PARD6G: variants seen among roughly 807,000 people sequenced by gnomAD.
PARD6G encodes par-6 family cell polarity regulator gamma.
Under a neutral mutation model 10.7 loss-of-function variants are expected in PARD6G, and 7 were observed. The ratio of observed to expected loss-of-function variants is 0.66; its 90% CI spans 0.37 to 1.23. The LOEUF is 1.23. Among genes scored for constraint, PARD6G ranks in the 50% most tolerant of loss-of-function variants. The pLI is 0.02. For synonymous variants in PARD6G, 287 were observed against 269.4 expected (o/e 1.07, Z -0.64); for missense variants, 548 against 571.8 (o/e 0.96, Z 0.42).
chr18:80,220,010 A>C (rs1967212113), intron 1 of PARD6G, among the ~76,000 whole-genome samples: 1 of 152,164 alleles, frequency 6.6e-6, no homozygotes, highest in Non-Finnish European at 1.5e-5. Flanking sequence ...TTACTGTATT[A>C]GTCTGTTCTC....
chr18:80,209,381 T>G (rs533201316), intron 1 of PARD6G, among the ~76,000 whole-genome samples: 1 of 152,348 alleles, frequency 6.6e-6, no homozygotes, highest in South Asian at 2.1e-4. Flanking sequence ...TAGATAATGA[T>G]TATTCTATTT....
Position 80,159,574 on chromosome 18 carries a change from G to A in PARD6G, c.*197C>T, listed in dbSNP as rs2052680440. 1.3e-5 allele frequency: 11 copies of A among 848,456 alleles called. No individual in the cohort carries two copies. Among genetic ancestry groups the A allele is most frequent in the Non-Finnish European group, 1.4e-5 (9 of 625,134 alleles). 52.6% of individuals were successfully genotyped at this position (848,456 alleles called of 1,614,324 possible). On this transcript the variant is annotated 3_prime_UTR_variant, in exon 3 of 3. Coordinates refer to ENST00000353265, the MANE Select transcript of PARD6G (RefSeq NM_032510.4). ...AGGCCTGGTATAGAGTGTCTCTACA[G>A]GCGTTCATTTTAAGTTCTGTGGCGA... is the stretch of plus-strand genomic sequence containing the variant.
At position 80,159,797 on chromosome 18, in the gene PARD6G, C is replaced by A; in HGVS notation, c.1105G>T (p.Glu369Ter). Residue 369 changes from glutamate to a stop codon, truncating the protein, a stop_gained, in exon 3 of 3, where the codon GAG (glutamate) becomes TAG (stop). Transcript: ENST00000353265. LOFTEE classifies it high-confidence loss of function. ...TAGAGCGTGACCGCGGGCCCGTGCT[C>A]CTCCACGCCGCCTGGCGGCAGCGCC... is the stretch of plus-strand genomic sequence containing the variant. ...SLALPPGGVEEHGPAVTL is the reference protein window; with the variant it reads ...SLALPPGGVE 1 of 1,452,966 alleles carries A rather than the reference C, an allele frequency of 6.9e-7. No homozygotes were observed. Among genetic ancestry groups the A allele is most frequent in the Non-Finnish European group, 9.0e-7 (1 of 1,109,046 alleles). 90.0% of individuals were successfully genotyped at this position (1,452,966 alleles called of 1,614,324 possible).
At position 80,192,726 on chromosome 18, in the gene PARD6G, G is replaced by A. The variant is rs897855633; in HGVS notation, c.295+9984C>T. On this transcript the variant is annotated intron_variant, in intron 2 of 2. Transcript: ENST00000353265. This position sits in a 1 kb window ranked among gnomAD's most constrained non-coding sequence, Gnocchi z 4.9. ...TAAGAGTGAAAGAAAAGCACACCTG[G>A]CCTGGAGATGAGGGTCAACCAGTCC... 5.9e-5 allele frequency among the ~76,000 whole-genome samples: 9 copies of A among 152,134 alleles called. No individual in the cohort carries two copies. The highest frequency in any genetic ancestry group is 2.2e-4 in the African/African-American group (9 of 41,418).
intron 2 of PARD6G, among the ~76,000 whole-genome samples, chr18:80,177,361 T>TACAC (rs112789791): frequency 1.1e-3 from 123 of 114,410 alleles, no homozygotes; most frequent in South Asian, 4.4e-3. Flanking sequence ...CATACACATG[T>TACAC]ACACACACAC....
intron 1 of PARD6G, among the ~76,000 whole-genome samples, chr18:80,208,793 G>A (rs1967080218): frequency 6.6e-6 from 1 of 152,110 alleles, no homozygotes; most frequent in Non-Finnish European, 1.5e-5. Context: ...GCCTGGCCTA[G>A]GTTAGTAGCA....
At chr18:80,237,828 A>C (rs1331544402) in intron 1 of PARD6G, among the ~76,000 whole-genome samples, 1 of 152,192 alleles carries the variant, frequency 6.6e-6, no homozygotes, top group African/African-American at 2.4e-5. Flanking sequence ...AATGGTGATC[A>C]TTAAAAAGTC....
chr18:80,225,949 A>G (rs1273422207), intron 1 of PARD6G, among the ~76,000 whole-genome samples: 1 of 152,094 alleles, frequency 6.6e-6, no homozygotes, highest in Non-Finnish European at 1.5e-5. Flanking sequence ...CCCCACCACA[A>G]AGAAAACCAC....
rs1191234216 is a variant in PARD6G at position 80,161,086 on chromosome 18, C to G, written c.296-480G>C. ...GCTTTCTTCTTTTCTATGCGCAAGC[C>G]CCACCACAGTGTCTTCTAGCCAGCA... On this transcript the variant is annotated intron_variant, in intron 2 of 2. Transcript: ENST00000353265. This position sits in a 1 kb window ranked among gnomAD's most constrained non-coding sequence, Gnocchi z 4.6. Among the ~76,000 whole-genome samples the G allele has an allele frequency of 6.6e-6, 1 of 152,140 alleles. No homozygotes were observed. Among genetic ancestry groups the G allele is most frequent in the African/African-American group, 2.4e-5 (1 of 41,430 alleles).
At chr18:80,210,840 G>A (rs1967100277) in intron 1 of PARD6G, among the ~76,000 whole-genome samples, 2 of 152,128 alleles carry the variant, frequency 1.3e-5, no homozygotes, top group African/African-American at 4.8e-5. Context: ...CACGGAAAGT[G>A]GGGATATTTT....
intron 2 of PARD6G, among the ~76,000 whole-genome samples, chr18:80,165,099 G>C (rs1026961960): frequency 1.3e-5 from 2 of 152,182 alleles, no homozygotes; most frequent in African/African-American, 4.8e-5. Context: ...GAACCGGTCT[G>C]ACCACAAATT....
intron 1 of PARD6G, among the ~76,000 whole-genome samples, chr18:80,212,501 A>C (rs1035083243): frequency 6.6e-6 from 1 of 152,196 alleles, no homozygotes; most frequent in Non-Finnish European, 1.5e-5. Context: ...GCTCATTACA[A>C]TTTTCACTTT....
chr18:80,221,529 A>C (rs1297407029), intron 1 of PARD6G, among the ~76,000 whole-genome samples: 2 of 152,212 alleles, frequency 1.3e-5, no homozygotes, highest in Non-Finnish European at 2.9e-5. Flanking sequence ...AACACTCAAC[A>C]AACTAGGAAT....
intron 1 of PARD6G, among the ~76,000 whole-genome samples, chr18:80,241,527 G>A (rs1967489811): frequency 6.6e-6 from 1 of 152,100 alleles, no homozygotes; most frequent in African/African-American, 2.4e-5. Flanking sequence ...ATCTGCAATT[G>A]CAATGTATTT....
intron 1 of PARD6G, among the ~76,000 whole-genome samples, chr18:80,238,491 C>A (rs943160639): frequency 3.0e-4 from 40 of 131,560 alleles, no homozygotes; most frequent in South Asian, 7.7e-4. Context: ...TAAAGTATAA[C>A]AAAAAAAAAA....
At position 80,160,580 on chromosome 18, in the gene PARD6G, C is replaced by A. The variant is rs1159428615; in HGVS notation, c.322G>T (p.Ala108Ser). 22 of 1,456,948 alleles carry A rather than the reference C, an allele frequency of 1.5e-5. No individual in the cohort carries two copies. Among genetic ancestry groups the A allele is most frequent in the Admixed American group, 2.7e-5 (1 of 36,632 alleles). 90.3% of individuals were successfully genotyped at this position (1,456,948 alleles called of 1,614,324 possible). The part of the protein sequence containing the change: ...REEAERGSLG[A>S]GSLCRRRRAL... ...CGCCTCCGCCTGCACAGCGAGCCCGCGCCGAGGCTGCCACGCTCGGCCTCC... is the reference window on the plus strand; with the variant it reads ...CGCCTCCGCCTGCACAGCGAGCCCGAGCCGAGGCTGCCACGCTCGGCCTCC... Residue 108 changes from alanine to serine, a missense_variant, in exon 3 of 3, where the codon GCG becomes TCG. Around this residue, in one of 2 missense-constraint regions of PARD6G, gnomAD observed 235 missense variants for 291.9 expected, o/e 0.81. Coordinates refer to ENST00000353265, the MANE Select transcript of PARD6G (RefSeq NM_032510.4).
chr18:80,174,082 T>C (rs1050080577), intron 2 of PARD6G, among the ~76,000 whole-genome samples: 1 of 152,186 alleles, frequency 6.6e-6, no homozygotes, highest in African/African-American at 2.4e-5. Flanking sequence ...AAATGGGATG[T>C]ACCACCCTCA....
rs771810490 is a variant in PARD6G at position 80,180,313 on chromosome 18, C to T, written c.296-19707G>A. Among the ~76,000 whole-genome samples, 1 of 152,178 alleles carries T rather than the reference C, an allele frequency of 6.6e-6. No individual in the cohort carries two copies. Among genetic ancestry groups the T allele is most frequent in the Non-Finnish European group, 1.5e-5 (1 of 68,024 alleles). ...TTCCTGTCAGGAGAGGCAGGCAGGG[C>T]GTGGGCAGCGACAGCTGGGGCCGGC... On this transcript the variant is annotated intron_variant, in intron 2 of 2. Transcript: ENST00000353265. The surrounding 1 kb of genome is among the most constrained non-coding windows in gnomAD (Gnocchi z 5.6).
At chr18:80,222,639 G>C (rs776647636) in intron 1 of PARD6G, among the ~76,000 whole-genome samples, 1 of 152,016 alleles carries the variant, frequency 6.6e-6, no homozygotes, top group Non-Finnish European at 1.5e-5. Context: ...CGAATTGAGA[G>C]TACAGAAAAA....
Sources: gnomAD v4.1 joint callset for allele counts (sites outside exome capture counted in the v4.1 genomes callset) on GRCh38, gnomAD v4.1.1 for gene constraint, gnomAD v4.1.1 regional missense constraint, Gnocchi (gnomAD v3.1) non-coding constraint, MANE v1.5 for transcripts, NCBI Gene and HGNC (gene_info 2026-07-23, HGNC 2026-07-21) for gene names.